FHOD3: variants seen among roughly 807,000 people sequenced by gnomAD.
FHOD3 encodes the protein FH1/FH2 domain-containing protein 3.
Under a neutral mutation model 173.0 loss-of-function variants are expected in FHOD3, and 90 were observed. That is an observed-to-expected ratio of 0.52 (90% CI 0.44 to 0.62). The LOEUF is 0.62. Among genes scored for constraint, FHOD3 ranks in the 20% least tolerant of loss-of-function variants. FHOD3 has a pLI of 0.00. For synonymous variants in FHOD3, 828 were observed against 823.0 expected (o/e 1.01, Z -0.10); for missense variants, 1,945 against 2,034.7 (o/e 0.96, Z 0.85).
At chr18:36,420,714 G>A (rs143271281) in intron 3 of FHOD3, among the ~76,000 whole-genome samples, 2,042 of 152,240 alleles carry the variant, frequency 0.013, 22 homozygotes, top group Middle Eastern at 0.024. Flanking sequence ...GGGTCAGGTG[G>A]TACTGCTAGT....
Position 36,402,546 on chromosome 18 carries a change from T to C in FHOD3, c.337+29802T>C, listed in dbSNP as rs201568178. ...ACACACACACACACACACACACACA[T>C]ATGAAAATACCCCAGAGAGGAAAAG... On this transcript the variant is annotated intron_variant, in intron 3 of 28. Transcript: ENST00000590592. Among the ~76,000 whole-genome samples the C allele has an allele frequency of 2.7e-3, 269 of 99,328 alleles. 1 individual carries two copies. The highest frequency in any genetic ancestry group is 0.015 in the South Asian group (36 of 2,432). The allele number at this position is 99,328 out of a possible 152,430, so 65.2% of individuals were successfully genotyped here.
chr18:36,709,075 T>A lies in FHOD3; in HGVS notation c.2237-20T>A. 2.5e-6 allele frequency: 4 copies of A among 1,604,748 alleles called. No individual in the cohort carries two copies. The highest frequency in any genetic ancestry group is 1.7e-6 in the Non-Finnish European group (2 of 1,173,394). On this transcript the variant is annotated intron_variant, in intron 17 of 28. Transcript: ENST00000590592. ...CAAGAAATCTGTCGTCAATATAATC[T>A]CCATTGTTGTCTCCACCAGCAAGTG...
chr18:36,376,191 G>C (rs948385195), intron 3 of FHOD3, among the ~76,000 whole-genome samples: 1 of 152,180 alleles, frequency 6.6e-6, no homozygotes, highest in African/African-American at 2.4e-5. Context: ...GTGGGGTAAG[G>C]AATGGAATCT....
intron 1 of FHOD3, among the ~76,000 whole-genome samples, chr18:36,308,263 T>A (rs2092156335): frequency 6.6e-6 from 1 of 152,200 alleles, no homozygotes; most frequent in African/African-American, 2.4e-5. Flanking sequence ...TTCTCAATGT[T>A]TAGTTGCTGA....
At chr18:36,346,788 T>C (rs181359033) in intron 1 of FHOD3, among the ~76,000 whole-genome samples, 120 of 152,340 alleles carry the variant, frequency 7.9e-4, no homozygotes, top group African/African-American at 2.8e-3. Flanking sequence ...CATGGCTTCT[T>C]ATTGCCCTAG....
At chr18:36,344,656 A>G (rs569222699) in intron 1 of FHOD3, among the ~76,000 whole-genome samples, 1 of 152,358 alleles carries the variant, frequency 6.6e-6, no homozygotes, top group Admixed American at 6.5e-5. Flanking sequence ...AAAGGAAACT[A>G]GAACATGCAG....
intron 1 of FHOD3, among the ~76,000 whole-genome samples, chr18:36,333,323 G>A (rs1272686777): frequency 1.3e-5 from 2 of 152,224 alleles, no homozygotes; most frequent in African/African-American, 4.8e-5. Flanking sequence ...CTTTGTCTTG[G>A]AACACTTGAC....
intron 10 of FHOD3, among the ~76,000 whole-genome samples, chr18:36,628,533 G>A (rs1221393215): frequency 6.6e-6 from 1 of 152,184 alleles, no homozygotes; most frequent in African/African-American, 2.4e-5. Flanking sequence ...ACTAATAAGA[G>A]CTTGAACTCA....
intron 3 of FHOD3, among the ~76,000 whole-genome samples, chr18:36,473,094 G>A (rs1371638952): frequency 6.6e-6 from 1 of 152,204 alleles, no homozygotes; most frequent in East Asian, 1.9e-4. Context: ...TACTCCATGT[G>A]TGGTCCTTGG....
intron 9 of FHOD3, among the ~76,000 whole-genome samples, chr18:36,614,629 T>G (rs189146052): frequency 6.6e-6 from 1 of 152,168 alleles, no homozygotes; most frequent in Non-Finnish European, 1.5e-5. Context: ...GTATAAGGAT[T>G]CCAGTTACTC....
chr18:36,557,514 T>A (rs2057935392), intron 5 of FHOD3, among the ~76,000 whole-genome samples: 1 of 152,180 alleles, frequency 6.6e-6, no homozygotes, highest in Non-Finnish European at 1.5e-5. Flanking sequence ...ATCTTTCATG[T>A]ACTACTTAAC....
At chr18:36,544,660 G>A (rs906257862) in intron 5 of FHOD3, 2 of 152,320 alleles carry the variant, frequency 1.3e-5, no homozygotes, top group Non-Finnish European at 2.9e-5. Context: ...AGCAGTCGGT[G>A]TGCTTTGGAG....
intron 6 of FHOD3, among the ~76,000 whole-genome samples, chr18:36,583,820 T>C (rs1265700869): frequency 2.0e-5 from 3 of 151,102 alleles, no homozygotes; most frequent in African/African-American, 7.3e-5. Context: ...TTATTATTAT[T>C]ATTATTACTA....
At chr18:36,623,046 G>C (rs1196344986) in intron 9 of FHOD3, among the ~76,000 whole-genome samples, 1 of 152,192 alleles carries the variant, frequency 6.6e-6, no homozygotes, top group African/African-American at 2.4e-5. Context: ...TAAGTAGCTT[G>C]ATGTTTTGTT....
intron 3 of FHOD3, among the ~76,000 whole-genome samples, chr18:36,382,384 T>C (rs1490051939): frequency 6.6e-6 from 1 of 151,908 alleles, no homozygotes. Context: ...GCAGACAAAA[T>C]AGGGAAGAAG....
At chr18:36,523,120 T>C (rs2056352798) in intron 5 of FHOD3, among the ~76,000 whole-genome samples, 1 of 132,920 alleles carries the variant, frequency 7.5e-6, no homozygotes, top group South Asian at 2.8e-4. Flanking sequence ...CAGTGCTGTC[T>C]GGGCCCCAGC....
intron 3 of FHOD3, among the ~76,000 whole-genome samples, chr18:36,483,166 C>T (rs2054020096): frequency 6.6e-6 from 1 of 152,128 alleles, no homozygotes; most frequent in Non-Finnish European, 1.5e-5. Flanking sequence ...ATGGTTTGAC[C>T]TCTGGTGTTT....
chr18:36,409,732 A>G (rs1488578715), intron 3 of FHOD3, among the ~76,000 whole-genome samples: 2 of 152,222 alleles, frequency 1.3e-5, no homozygotes, highest in Admixed American at 6.5e-5. Flanking sequence ...TGGAAAAGCT[A>G]GAGCTTTGGC....
chr18:36,653,286 A>G (rs2036190234), intron 12 of FHOD3, 56 bp from the exon 13 acceptor site: 1 of 1,337,306 alleles, frequency 7.5e-7, no homozygotes, highest in Non-Finnish European at 1.0e-6. Flanking sequence ...AATGTATCAA[A>G]GTCCTTTGCT....
Sources: gnomAD v4.1 joint callset for allele counts (sites outside exome capture counted in the v4.1 genomes callset) on GRCh38, gnomAD v4.1.1 for gene constraint, MANE v1.5 for transcripts, NCBI Gene and HGNC (gene_info 2026-07-23, HGNC 2026-07-21) for gene names.